The following AGAP1 variants were observed in gnomAD, a reference collection of about 807,000 sequenced individuals.
The protein encoded by AGAP1 is ArfGAP with GTPase domain, ankyrin repeat and PH domain 1.
AGAP1 carries 29 observed loss-of-function variants against 105.3 expected under a neutral mutation model. The observed-to-expected ratio is 0.28, with a 90% CI of 0.21 to 0.38. The LOEUF (loss-of-function observed/expected upper bound fraction) is 0.38, where lower values mean the gene tolerates loss of function less well. AGAP1 is among the 10% of genes least tolerant of loss of function. The pLI, the probability that AGAP1 is intolerant of heterozygous loss-of-function variation, is 1.00. For synonymous variants in AGAP1, 509 were observed against 485.9 expected, an observed-to-expected ratio of 1.05 and a Z score of -0.63; for missense variants, 998 against 1,165.1, an observed-to-expected ratio of 0.86 and a Z score of 2.09.
chr2:235,940,997 A>G (rs1449762290), intron 12 of AGAP1, among the ~76,000 whole-genome samples: 2 of 152,216 alleles, frequency 1.3e-5, no homozygotes, highest in Admixed American at 6.5e-5. Flanking sequence ...GATTTGCAAA[A>G]TGAGCTCCAA....
chr2:236,120,465 C>T lies in AGAP1; in HGVS notation c.2370+18C>T, dbSNP rs1194107331. ...TGATCTGGGTAGGTGGTCGGCACGC[C>T]TGGCAGAGGACGGGGCCACAGGAGG... On this transcript the variant is annotated intron_variant, in intron 17 of 17. Coordinates refer to ENST00000304032, the MANE Select transcript of AGAP1 (RefSeq NM_001037131.3). This position sits in a 1 kb window ranked among gnomAD's most constrained non-coding sequence, Gnocchi z 6.0. 2.5e-6 allele frequency: 4 copies of T among 1,610,844 alleles called. No individual in the cohort carries two copies. The highest frequency in any genetic ancestry group is 3.4e-6 in the Non-Finnish European group (4 of 1,179,560).
intron 9 of AGAP1, among the ~76,000 whole-genome samples, chr2:235,808,501 A>G (rs1957959020): frequency 6.6e-6 from 1 of 152,178 alleles, no homozygotes; most frequent in Non-Finnish European, 1.5e-5. Flanking sequence ...GGAAGGGGTT[A>G]AATAGGGCCA....
At chr2:235,770,386 C>T (rs973183331) in intron 6 of AGAP1, among the ~76,000 whole-genome samples, 5 of 151,952 alleles carry the variant, frequency 3.3e-5, no homozygotes, top group African/African-American at 1.2e-4. Context: ...CTGCCCACCT[C>T]GGCCTCCCAA....
chr2:235,763,057 T>C lies in AGAP1; in HGVS notation c.673+12569T>C, dbSNP rs976534079. Among the ~76,000 whole-genome samples the C allele has an allele frequency of 1.5e-4, 16 of 107,108 alleles. No individual in the cohort carries two copies. In the Admixed American group the frequency reaches 1.5e-3, roughly 10 times the overall value. The allele number at this position is 107,108 out of a possible 152,430, so 70.3% of individuals were successfully genotyped here. A position where few individuals can be genotyped will look rare whatever the true frequency, so the allele number is the denominator to read the frequency against. On this transcript the variant is annotated intron_variant, in intron 6 of 17. Transcript: ENST00000304032. Reference sequence around the variant, plus strand: ...TCGGGTGTGTGTGTGTGTGTATGTGTGCGCGCGCGCGCACACGTGCACCTG... The same window carrying C: ...TCGGGTGTGTGTGTGTGTGTATGTGCGCGCGCGCGCGCACACGTGCACCTG...
chr2:235,513,246 G>GCGGGCGCGGGCA (rs1396363135), intron 1 of AGAP1, among the ~76,000 whole-genome samples: 2 of 152,022 alleles, frequency 1.3e-5, no homozygotes, highest in African/African-American at 4.8e-5. Context: ...TGTGCCGGGC[G>GCGGGCGCGGGCA]CGGGTGGCTC....
intron 1 of AGAP1, among the ~76,000 whole-genome samples, chr2:235,708,108 C>G (rs1486260619): frequency 6.6e-6 from 1 of 152,250 alleles, no homozygotes; most frequent in African/African-American, 2.4e-5. Flanking sequence ...TCACACAGTT[C>G]TGTGAAGGTG....
intron 16 of AGAP1, among the ~76,000 whole-genome samples, chr2:236,070,650 A>G (rs969058542): frequency 6.6e-6 from 1 of 152,242 alleles, no homozygotes; most frequent in Non-Finnish European, 1.5e-5. Flanking sequence ...ACTACAACGT[A>G]AATGCACCTT....
intron 9 of AGAP1, among the ~76,000 whole-genome samples, chr2:235,833,345 C>T (rs1959684104): frequency 1.3e-5 from 2 of 152,186 alleles, no homozygotes; most frequent in Non-Finnish European, 2.9e-5. Flanking sequence ...AAAATCATAC[C>T]TGCTTGCTGT....
chr2:236,092,995 G>T lies in AGAP1; in HGVS notation c.2115-27197G>T, dbSNP rs1368823216. Among the ~76,000 whole-genome samples the T allele has an allele frequency of 2.0e-5, 3 of 152,242 alleles. No homozygotes were observed. Among genetic ancestry groups the T allele is most frequent in the Admixed American group, 2.0e-4 (3 of 15,286 alleles). ...TGAAGCATCTAAAAGAATAGTGTTG[G>T]TGGCAGTTTATGTGACACATTTAAT... is the stretch of plus-strand genomic sequence containing the variant. On this transcript the variant is annotated intron_variant, in intron 16 of 17. Transcript: ENST00000304032. This position sits in a 1 kb window ranked among gnomAD's most constrained non-coding sequence, Gnocchi z 4.7.
At chr2:235,852,556 A>G (rs890507831) in intron 9 of AGAP1, 2 of 883,040 alleles carry the variant, frequency 2.3e-6, no homozygotes, top group Non-Finnish European at 3.1e-6. Context: ...CCGTCAGTCA[A>G]GTTTTATCTC....
Position 236,119,068 on chromosome 2 carries a change from G to A in AGAP1, c.2115-1124G>A, listed in dbSNP as rs2059839651. Reference sequence around the variant, plus strand: ...TCTTAGCCCTCCCCACAGATGTGTAGCAGGGTCCCCATCCTCTGTAGACCC... The same window carrying A: ...TCTTAGCCCTCCCCACAGATGTGTAACAGGGTCCCCATCCTCTGTAGACCC... On this transcript the variant is annotated intron_variant, in intron 16 of 17. Transcript: ENST00000304032. The surrounding 1 kb of genome is among the most constrained non-coding windows in gnomAD (Gnocchi z 6.6). Among the ~76,000 whole-genome samples the A allele has an allele frequency of 6.6e-6, 1 of 152,052 alleles. No individual in the cohort carries two copies. Among genetic ancestry groups the A allele is most frequent in the Non-Finnish European group, 1.5e-5 (1 of 68,010 alleles).
chr2:235,962,882 A>G lies in AGAP1; in HGVS notation c.1484-5580A>G, dbSNP rs1011753065. On this transcript the variant is annotated intron_variant, in intron 12 of 17. Coordinates refer to ENST00000304032, the MANE Select transcript of AGAP1 (RefSeq NM_001037131.3). This position sits in a 1 kb window ranked among gnomAD's most constrained non-coding sequence, Gnocchi z 5.3. ...CTGGCTTCTACCATCTGATGCCTGT[A>G]GCACCTCCACTCCACCCAGTTTGAT... Among the ~76,000 whole-genome samples, 4 of 152,106 alleles carry G rather than the reference A, an allele frequency of 2.6e-5. No individual in the cohort carries two copies. Among genetic ancestry groups the G allele is most frequent in the Admixed American group, 1.3e-4 (2 of 15,272 alleles).
chr2:235,566,664 C>T lies in AGAP1; in HGVS notation c.163+71815C>T, dbSNP rs1271767194. On this transcript the variant is annotated intron_variant, in intron 1 of 17. Coordinates refer to ENST00000304032, the MANE Select transcript of AGAP1 (RefSeq NM_001037131.3). This position sits in a 1 kb window ranked among gnomAD's most constrained non-coding sequence, Gnocchi z 5.2. ...ACCTTCCTCATGCCGCAGGACCAGC[C>T]GGGACCGGGGAGAGGCTGTTCGAGG... 6 of 937,164 alleles carry T rather than the reference C, an allele frequency of 6.4e-6. No homozygotes were observed. The highest frequency in any genetic ancestry group is 7.6e-6 in the Non-Finnish European group (6 of 786,014). 58.1% of individuals were successfully genotyped at this position (937,164 alleles called of 1,614,324 possible). A position where few individuals can be genotyped will look rare whatever the true frequency, so the allele number is the denominator to read the frequency against.
At chr2:235,686,670 T>A (rs1468894640) in intron 1 of AGAP1, among the ~76,000 whole-genome samples, 2 of 115,766 alleles carry the variant, frequency 1.7e-5, no homozygotes, top group African/African-American at 7.2e-5. Flanking sequence ...TATATATTTT[T>A]TTTTTTTTTT....
intron 13 of AGAP1, among the ~76,000 whole-genome samples, chr2:235,975,230 A>G (rs1408751971): frequency 6.6e-6 from 1 of 152,210 alleles, no homozygotes; most frequent in Non-Finnish European, 1.5e-5. Context: ...AGATGTTGCT[A>G]TTGATCAGTT....
intron 16 of AGAP1, among the ~76,000 whole-genome samples, chr2:236,085,058 C>T (rs2058889883): frequency 1.3e-5 from 2 of 148,572 alleles, no homozygotes; most frequent in Admixed American, 1.3e-4. Context: ...ACTAAAAATA[C>T]ACAAAAAATT....
At chr2:235,823,380 C>T (rs976522773) in intron 9 of AGAP1, among the ~76,000 whole-genome samples, 1 of 152,192 alleles carries the variant, frequency 6.6e-6, no homozygotes, top group African/African-American at 2.4e-5. Flanking sequence ...AGCAAACCTC[C>T]TGCCTTATCC....
chr2:235,573,082 TTTC>T lies in AGAP1; in HGVS notation c.163+78239_163+78241del, dbSNP rs1417754345. Reference sequence around the variant, plus strand: ...CTTCTTTCTTCTTTCTTCTTTCTTCTTTCTTCTTTCTTCTTCTTCTTCCTTTTT... The same window carrying T: ...CTTCTTTCTTCTTTCTTCTTTCTTCTTTCTTTCTTCTTCTTCTTCCTTTTT... On this transcript the variant is annotated intron_variant, in intron 1 of 17. Transcript: ENST00000304032. Among the ~76,000 whole-genome samples, 16 of 117,844 alleles carry T rather than the reference TTTC, an allele frequency of 1.4e-4. 4 individuals carry two copies. The highest frequency in any genetic ancestry group is 5.5e-4 in the African/African-American group (14 of 25,330). 77.3% of individuals were successfully genotyped at this position (117,844 alleles called of 152,430 possible).
intron 1 of AGAP1, among the ~76,000 whole-genome samples, chr2:235,545,626 T>C (rs1943599088): frequency 6.6e-6 from 1 of 152,196 alleles, no homozygotes; most frequent in African/African-American, 2.4e-5. Flanking sequence ...TGGAGTTCCT[T>C]CCTGGAGGCT....
Sources: allele counts gnomAD v4.1 joint callset (sites outside exome capture counted in the v4.1 genomes callset), GRCh38; gene constraint gnomAD v4.1.1; non-coding constraint Gnocchi (gnomAD v3.1); transcripts MANE v1.5; gene names NCBI Gene and HGNC (gene_info 2026-07-23, HGNC 2026-07-21).